Variants in FOXK2 observed in about 807,000 individuals in gnomAD.
FOXK2 encodes the protein forkhead box K2.
Under a neutral mutation model 53.3 loss-of-function variants are expected in FOXK2, and 24 were observed. That is an observed-to-expected ratio of 0.45 (90% CI 0.33 to 0.63). The LOEUF (loss-of-function observed/expected upper bound fraction) is 0.63. Among genes scored for constraint, FOXK2 ranks in the 30% least tolerant of loss-of-function variants. The pLI is 0.03. For synonymous variants in FOXK2, 505 were observed against 407.1 expected (o/e 1.24, Z -2.89); for missense variants, 952 against 910.5 (o/e 1.05, Z -0.59).
intron 4 of FOXK2, among the ~76,000 whole-genome samples, chr17:82,580,025 G>A (rs1361994583): frequency 2.3e-4 from 16 of 70,038 alleles, no homozygotes; most frequent in Admixed American, 6.7e-4. Flanking sequence ...TCTCCATGTC[G>A]CCCATGAAGT....
At chr17:82,530,811 C>T (rs907637278) in intron 1 of FOXK2, among the ~76,000 whole-genome samples, 11 of 152,044 alleles carry the variant, frequency 7.2e-5, no homozygotes, top group Admixed American at 5.9e-4. Context: ...TCACTGTGCC[C>T]GGTCTACTGT....
At chr17:82,544,800 C>T (rs185784432) in intron 1 of FOXK2, among the ~76,000 whole-genome samples, 3 of 152,018 alleles carry the variant, frequency 2.0e-5, no homozygotes, top group African/African-American at 4.8e-5. Flanking sequence ...GGCGGGTGGC[C>T]GTCCTCAGTG....
chr17:82,528,535 T>C (rs1342766570), intron 1 of FOXK2, among the ~76,000 whole-genome samples: 1 of 152,124 alleles, frequency 6.6e-6, no homozygotes, highest in South Asian at 2.1e-4. Flanking sequence ...AATTTTTGAA[T>C]TTGCTGCTAA....
intron 4 of FOXK2, among the ~76,000 whole-genome samples, chr17:82,573,525 TAC>T (rs10545272): frequency 0.055 from 7,442 of 135,508 alleles, 236 homozygotes; most frequent in Middle Eastern, 0.1. Context: ...ACTATATACA[TAC>T]ACACACACAC....
chr17:82,523,761 G>A (rs145089267), intron 1 of FOXK2, among the ~76,000 whole-genome samples: 160 of 152,182 alleles, frequency 1.1e-3, no homozygotes, highest in African/African-American at 3.7e-3. Flanking sequence ...ACAGGTGTGA[G>A]CCACCACACC....
chr17:82,534,752 G>A (rs539460413), intron 1 of FOXK2, among the ~76,000 whole-genome samples: 2 of 152,188 alleles, frequency 1.3e-5, no homozygotes, highest in Non-Finnish European at 2.9e-5. Context: ...TAACGAACTC[G>A]TTGAAACATG....
chr17:82,600,993 T>G, intron 8 of FOXK2: 1 of 289,390 alleles, frequency 3.5e-6, no homozygotes, highest in Non-Finnish European at 6.6e-6. Context: ...AAATAGCCTA[T>G]TTATAGGACA....
At position 82,559,393 on chromosome 17, in the gene FOXK2, C is replaced by T. The variant is rs114857551; in HGVS notation, c.420-3961C>T. On this transcript the variant is annotated intron_variant, in intron 1 of 8. Coordinates refer to ENST00000335255, the MANE Select transcript of FOXK2 (RefSeq NM_004514.4). The stretch of plus-strand genomic sequence containing the variant: ...CGTGTGCAGAGCCCAGCAGAGATGG[C>T]GGAGCCACTTGGCATCCAAGCACCT... 1.2e-3 allele frequency: 526 copies of T among 456,350 alleles called. 2 individuals carry two copies. The highest frequency in any genetic ancestry group is 9.3e-3 in the African/African-American group (468 of 50,218). 28.3% of individuals were successfully genotyped at this position (456,350 alleles called of 1,614,324 possible).
At position 82,576,759 on chromosome 17, in the gene FOXK2, C is replaced by T. The variant is rs191981701; in HGVS notation, c.909+4889C>T. On this transcript the variant is annotated intron_variant, in intron 4 of 8. Coordinates refer to ENST00000335255, the MANE Select transcript of FOXK2 (RefSeq NM_004514.4). ...GAACGTAGCAGCATGTCGAATATGT[C>T]ACCAGCTGCTTCATTTTTATGGTGC... 5 of 677,642 alleles carry T rather than the reference C, an allele frequency of 7.4e-6. No homozygotes were observed. The Admixed American group carries it at 7.6e-5, about 10-fold the overall frequency. The allele number at this position is 677,642 out of a possible 1,614,324, so 42.0% of individuals were successfully genotyped here.
chr17:82,591,947 A>G (rs2045257058), intron 8 of FOXK2, among the ~76,000 whole-genome samples: 1 of 152,170 alleles, frequency 6.6e-6, no homozygotes, highest in African/African-American at 2.4e-5. Flanking sequence ...TCTGTCACCC[A>G]GGCTGGAGTG....
intron 1 of FOXK2, among the ~76,000 whole-genome samples, chr17:82,541,292 A>G (rs764829110): frequency 1.4e-5 from 2 of 146,224 alleles, no homozygotes; most frequent in Non-Finnish European, 3.0e-5. Flanking sequence ...TTTTTTTTTC[A>G]GTCAGAGTTG....
At chr17:82,587,624 C>T (rs1053611674) in intron 8 of FOXK2, 5 of 357,158 alleles carry the variant, frequency 1.4e-5, no homozygotes, top group South Asian at 7.5e-5. Context: ...TGGCCTGTGG[C>T]GGTGCTATGC....
intron 8 of FOXK2, chr17:82,587,663 C>T (rs2045204704): frequency 9.7e-6 from 3 of 310,600 alleles, no homozygotes; most frequent in South Asian, 9.3e-5. Flanking sequence ...GGCTGCTTTT[C>T]TGTGCGCTTT....
chr17:82,547,511 CT>C (rs1244131391), intron 1 of FOXK2, among the ~76,000 whole-genome samples: 1 of 152,142 alleles, frequency 6.6e-6, no homozygotes, highest in East Asian at 1.9e-4. Flanking sequence ...AATAATACTT[CT>C]GGTTATTTTT....
At chr17:82,564,405 G>T (rs1381057647) in intron 2 of FOXK2, among the ~76,000 whole-genome samples, 3 of 150,912 alleles carry the variant, frequency 2.0e-5, no homozygotes, top group African/African-American at 2.4e-5. Context: ...TGTTTGTTTT[G>T]TTTTTTGTTT....
chr17:82,546,179 C>T (rs1169103799), intron 1 of FOXK2, among the ~76,000 whole-genome samples: 2 of 132,060 alleles, frequency 1.5e-5, no homozygotes, highest in Non-Finnish European at 3.0e-5. Flanking sequence ...TGCAGTGGTG[C>T]CATCTTGGCT....
intron 1 of FOXK2, among the ~76,000 whole-genome samples, chr17:82,525,874 C>T (rs562799238): frequency 4.0e-4 from 61 of 152,210 alleles, no homozygotes; most frequent in Non-Finnish European, 5.4e-4. Context: ...TTCTTTCTTA[C>T]GTGGCCTGAA....
At chr17:82,590,325 T>C (rs1278274992) in intron 8 of FOXK2, among the ~76,000 whole-genome samples, 1 of 152,180 alleles carries the variant, frequency 6.6e-6, no homozygotes, top group African/African-American at 2.4e-5. Flanking sequence ...TTGTAGTCTT[T>C]TATTTTTTAT....
chr17:82,522,402 T>A (rs980593497), intron 1 of FOXK2, among the ~76,000 whole-genome samples: 4 of 151,126 alleles, frequency 2.6e-5, no homozygotes, highest in Admixed American at 6.6e-5. Context: ...GGAGCCTTGC[T>A]CTGTCCCCCA....
Sources: allele counts gnomAD v4.1 joint callset (sites outside exome capture counted in the v4.1 genomes callset), GRCh38; gene constraint gnomAD v4.1.1; transcripts MANE v1.5; gene names NCBI Gene and HGNC (gene_info 2026-07-23, HGNC 2026-07-21).